The following TLE2 variants were observed in gnomAD, a reference collection of about 807,000 sequenced individuals.
TLE2 encodes the protein transducin-like enhancer protein 2.
In TLE2, 74 loss-of-function variants were observed where a neutral mutation model predicts 97.2. The observed-to-expected ratio is 0.76, with a 90% confidence interval of 0.63 to 0.92. The LOEUF (loss-of-function observed/expected upper bound fraction) is 0.92, where lower values mean the gene tolerates loss of function less well. Ranked by LOEUF, TLE2 falls within the 40% of genes least tolerant of loss-of-function variation. TLE2 has a pLI of 0.00. For synonymous variants in TLE2, 499 were observed against 432.1 expected (o/e 1.15, Z -1.92); for missense variants, 1,038 against 1,008.7 (o/e 1.03, Z -0.39).
Position 3,022,151 on chromosome 19 carries a change from C to G in TLE2, c.295-2378G>C, listed in dbSNP as rs562471910. Among the ~76,000 whole-genome samples the G allele has an allele frequency of 1.9e-3, 292 of 152,024 alleles. 1 individual carries two copies. The highest frequency in any genetic ancestry group is 6.8e-3 in the African/African-American group (282 of 41,516). The stretch of plus-strand genomic sequence containing the variant: ...CTAACCTCCGCCTCCCAGGTTCAAG[C>G]AATTCTCCTGCCTCAGCCTCCCGAG... On this transcript the variant is annotated intron_variant, in intron 5 of 19. Transcript: ENST00000262953.
At chr19:3,002,270 A>C (rs1568230282) in intron 18 of TLE2, 83 bp downstream of exon 18, 2 of 1,472,134 alleles carry the variant, frequency 1.4e-6, no homozygotes, top group Non-Finnish European at 1.8e-6. Flanking sequence ...ATTATTTGTT[A>C]TTTATCTAAG....
chr19:3,045,697 G>A (rs1243503549), intron 1 of TLE2: 1 of 431,488 alleles, frequency 2.3e-6, no homozygotes, highest in Non-Finnish European at 4.7e-6. Flanking sequence ...CAGGTGTGGT[G>A]GCGGGCGCCT....
At position 3,006,441 on chromosome 19, in the gene TLE2, G is replaced by A. The variant is rs202230138; in HGVS notation, c.1479C>T (p.Pro493=). ...WDVGQPGAKT[P]VAQLDCLNRD... ...TCACCAGGCAGTCGAGCTGGGCCAC[G>A]GGCGTCTTGGCCCCAGGCTGGCCCA... The change falls in exon 15 of 20, where the codon CCC becomes CCT. Residue 493 remains proline, a synonymous_variant. Coordinates refer to ENST00000262953, the MANE Select transcript of TLE2 (RefSeq NM_003260.5). 3.7e-6 allele frequency: 6 copies of A among 1,610,138 alleles called. No individual in the cohort carries two copies. The highest frequency in any genetic ancestry group is 2.2e-5 in the East Asian group (1 of 44,848).
At chr19:3,014,467 C>T (rs887464506) in intron 10 of TLE2, 103 bp downstream of exon 10, 130 of 1,131,154 alleles carry the variant, frequency 1.1e-4, no homozygotes, top group Non-Finnish European at 1.5e-4. Flanking sequence ...TCCCACAGAG[C>T]GGGGAACCAG....
chr19:3,028,254 G>T, intron 3 of TLE2, 65 bp downstream of exon 3: 2 of 1,509,030 alleles, frequency 1.3e-6, no homozygotes, highest in Non-Finnish European at 1.8e-6. Flanking sequence ...ACCTACCCCA[G>T]AGTCCACCGT....
At chr19:2,997,981 G>C (rs748636424) in intron 19 of TLE2, 26 bp from the exon 20 acceptor site, 1 of 1,557,418 alleles carries the variant, frequency 6.4e-7, no homozygotes, top group East Asian at 2.3e-5. Flanking sequence ...AGAGAGAAAA[G>C]GGCACAGTGA....
chr19:3,036,062 G>C (rs1038311883), intron 1 of TLE2, among the ~76,000 whole-genome samples: 1 of 152,152 alleles, frequency 6.6e-6, no homozygotes, highest in Non-Finnish European at 1.5e-5. Flanking sequence ...GCAAAGAGTA[G>C]TTAAGTCACG....
rs56398458 is a variant in TLE2 at position 2,998,237 on chromosome 19, A to ATGTGTGTGTG, written c.2125-292_2125-283dup. ...AGGCGCCCGCAACCACGCCCGGCCAATGTGTGTGTGTGTGTGTGTGTGTGT... is the reference window on the plus strand; with the variant it reads ...AGGCGCCCGCAACCACGCCCGGCCAATGTGTGTGTGTGTGTGTGTGTGTGTGTGTGTGTGT... On this transcript the variant is annotated intron_variant, in intron 19 of 19. Coordinates refer to ENST00000262953, the MANE Select transcript of TLE2 (RefSeq NM_003260.5). 3.1e-3 allele frequency among the ~76,000 whole-genome samples: 379 copies of ATGTGTGTGTG among 121,386 alleles called. 3 individuals carry two copies. The highest frequency in any genetic ancestry group is 0.012 in the African/African-American group (337 of 28,240). The allele number at this position is 121,386 out of a possible 152,430, so 79.6% of individuals were successfully genotyped here. A position where few individuals can be genotyped will look rare whatever the true frequency, so the allele number is the denominator to read the frequency against.
chr19:3,034,302 T>C (rs2090047154), intron 1 of TLE2, among the ~76,000 whole-genome samples: 1 of 151,910 alleles, frequency 6.6e-6, no homozygotes. Context: ...GCCTTTGTTT[T>C]TGGTGATCTT....
upstream of TLE2, among the ~76,000 whole-genome samples, chr19:3,032,583 C>T (rs891687869): frequency 1.3e-5 from 2 of 152,092 alleles, no homozygotes; most frequent in South Asian, 2.1e-4. This position sits in a 1 kb window ranked among gnomAD's most constrained non-coding sequence, Gnocchi z 4.1. Context: ...AGGTTGTTCG[C>T]GTCCTTGTTT....
chr19:3,042,373 G>A (rs1385253729), intron 1 of TLE2, among the ~76,000 whole-genome samples: 1 of 122,628 alleles, frequency 8.2e-6, no homozygotes, highest in Non-Finnish European at 1.7e-5. Context: ...CGGGCTTTCA[G>A]GCCTGGCAGG....
rs571320241 is a variant in TLE2 at position 3,017,010 on chromosome 19, T to C, written c.570+830A>G. Among the ~76,000 whole-genome samples, 6 of 121,882 alleles carry C rather than the reference T, an allele frequency of 4.9e-5. 1 individual carries two copies. In the East Asian group the frequency reaches 1.2e-3, roughly 24 times the overall value. 80.0% of individuals were successfully genotyped at this position (121,882 alleles called of 152,430 possible). A position where few individuals can be genotyped will look rare whatever the true frequency, so the allele number is the denominator to read the frequency against. On this transcript the variant is annotated intron_variant, in intron 8 of 19. Transcript: ENST00000262953. ...CCAAGCTGGTCTCGAACTCCTGACCTCAAGTGATCCACCCACCTTGGCCTC... is the reference window on the plus strand; with the variant it reads ...CCAAGCTGGTCTCGAACTCCTGACCCCAAGTGATCCACCCACCTTGGCCTC...
rs758974700 is a variant in TLE2 at position 3,008,964 on chromosome 19, G to C, written c.1174-19C>G. On this transcript the variant is annotated intron_variant, in intron 13 of 19. Coordinates refer to ENST00000262953, the MANE Select transcript of TLE2 (RefSeq NM_003260.5). ...ATGCCATCTGTGAGAATGCCAGGGG[G>C]GTGTCAGTGAGGCAGGTGACTCCAA... 1 of 1,559,046 alleles carries C rather than the reference G, an allele frequency of 6.4e-7. No homozygotes were observed. Among genetic ancestry groups the C allele is most frequent in the Non-Finnish European group, 8.7e-7 (1 of 1,151,376 alleles).
upstream of TLE2, chr19:3,029,642 A>T (rs1438755613): frequency 2.1e-5 from 4 of 189,868 alleles, no homozygotes; most frequent in Non-Finnish European, 2.9e-5. Context: ...TTGAGATTGA[A>T]GGGTCAGCAG....
intron 19 of TLE2, among the ~76,000 whole-genome samples, chr19:2,999,300 T>G (rs2089298002): frequency 6.6e-6 from 1 of 151,270 alleles, no homozygotes; most frequent in East Asian, 2.0e-4. Context: ...AAAAAAACAC[T>G]GTACCAACCA....
At chr19:3,021,124 G>A (rs1006469254) in intron 5 of TLE2, among the ~76,000 whole-genome samples, 11 of 121,898 alleles carry the variant, frequency 9.0e-5, no homozygotes, top group East Asian at 2.2e-4. Flanking sequence ...AGGGGGGGGG[G>A]TGCTGAGCGT....
chr19:3,013,641 A>C (rs748246989), intron 11 of TLE2, 28 bp downstream of exon 11: 21 of 1,345,842 alleles, frequency 1.6e-5, no homozygotes, highest in Non-Finnish European at 2.0e-5. Context: ...GAATAAAGTG[A>C]GTTTCAAGGC....
intron 1 of TLE2, among the ~76,000 whole-genome samples, chr19:3,039,959 G>A (rs1020929817): frequency 1.3e-5 from 2 of 152,194 alleles, no homozygotes; most frequent in Admixed American, 6.5e-5. Context: ...GTCATCACAC[G>A]ATCAAATAGC....
intron 5 of TLE2, among the ~76,000 whole-genome samples, chr19:3,023,145 C>A (rs953155): frequency 1.3e-5 from 2 of 151,980 alleles, no homozygotes; most frequent in Admixed American, 6.6e-5. Flanking sequence ...ACCTCCACCC[C>A]CCGGGTTCAA....
Sources: gnomAD v4.1 joint callset for allele counts (sites outside exome capture counted in the v4.1 genomes callset) on GRCh38, gnomAD v4.1.1 for gene constraint, Gnocchi (gnomAD v3.1) non-coding constraint, MANE v1.5 for transcripts, NCBI Gene and HGNC (gene_info 2026-07-23, HGNC 2026-07-21) for gene names.